The following ASTN2 variants were observed in gnomAD, a reference collection of about 807,000 sequenced individuals.
ASTN2 encodes the protein astrotactin 2.
ASTN2 carries 54 observed loss-of-function variants against 139.8 expected under a neutral mutation model. The ratio of observed to expected loss-of-function variants is 0.39; its 90% CI spans 0.31 to 0.48. The LOEUF is 0.48. Ranked by LOEUF, ASTN2 falls within the 20% of genes least tolerant of loss-of-function variation. The pLI, the probability that ASTN2 is intolerant of heterozygous loss-of-function variation, is 0.95. For missense variants in ASTN2, 1,565 were observed against 1,725.1 expected (o/e 0.91, Z 1.64); for synonymous variants, 756 against 719.5 (o/e 1.05, Z -0.81).
chr9:116,976,949 T>G (rs560754792), intron 7 of ASTN2, among the ~76,000 whole-genome samples, 164 bp from the exon 8 acceptor site: 1 of 152,124 alleles, frequency 6.6e-6, no homozygotes, highest in Non-Finnish European at 1.5e-5. Context: ...TTAACAGAGT[T>G]TATTCCTTTG....
intron 2 of ASTN2, among the ~76,000 whole-genome samples, chr9:117,222,683 G>T (rs1391517582): frequency 6.6e-6 from 1 of 152,108 alleles, no homozygotes; most frequent in Non-Finnish European, 1.5e-5. Context: ...TAACTTCAAT[G>T]CATCTACTTT....
At chr9:116,547,224 T>C (rs1327468412) in intron 19 of ASTN2, 3 of 152,214 alleles carry the variant, frequency 2.0e-5, no homozygotes, top group African/African-American at 4.8e-5. Flanking sequence ...CTGTGTTTGG[T>C]GATAACAGCA....
intron 7 of ASTN2, among the ~76,000 whole-genome samples, chr9:116,980,020 CAATTA>C (rs1836462860): frequency 2.0e-5 from 3 of 152,058 alleles, no homozygotes; most frequent in African/African-American, 7.2e-5. Flanking sequence ...ATATATTTTG[CAATTA>C]AGAGGCATTC....
At chr9:117,002,973 G>A (rs1837234483) in intron 7 of ASTN2, among the ~76,000 whole-genome samples, 1 of 152,108 alleles carries the variant, frequency 6.6e-6, no homozygotes, top group Admixed American at 6.5e-5. Flanking sequence ...TGTTTGGGCT[G>A]AACGTGTAGG....
At chr9:117,160,042 T>A (rs1480021741) in intron 3 of ASTN2, among the ~76,000 whole-genome samples, 1 of 152,026 alleles carries the variant, frequency 6.6e-6, no homozygotes, top group Non-Finnish European at 1.5e-5. Context: ...TACTCCACTA[T>A]GAAAATGCAT....
intron 13 of ASTN2, among the ~76,000 whole-genome samples, chr9:116,745,152 G>T (rs908541476): frequency 2.6e-5 from 4 of 152,218 alleles, no homozygotes; most frequent in African/African-American, 9.6e-5. Context: ...GATAGGAAAA[G>T]AAGCAGAGGC....
intron 17 of ASTN2, among the ~76,000 whole-genome samples, chr9:116,645,320 G>A (rs1326357239): frequency 2.6e-5 from 4 of 152,138 alleles, no homozygotes; most frequent in Non-Finnish European, 5.9e-5. Context: ...GTGGAGGGAG[G>A]AGATTTATGC....
At chr9:117,063,012 G>A (rs955781934) in intron 5 of ASTN2, among the ~76,000 whole-genome samples, 4 of 152,076 alleles carry the variant, frequency 2.6e-5, no homozygotes, top group Non-Finnish European at 2.9e-5. Context: ...TGCTAGCCTC[G>A]GAAGCTAACC....
At chr9:116,470,855 C>T (rs765846425) in intron 20 of ASTN2, among the ~76,000 whole-genome samples, 1 of 152,040 alleles carries the variant, frequency 6.6e-6, no homozygotes, top group Non-Finnish European at 1.5e-5. Context: ...TTCATAATGC[C>T]AATGCTTTAT....
Position 116,471,722 on chromosome 9 carries a change from T to C in ASTN2, c.3497+15637A>G, listed in dbSNP as rs78407740. Among the ~76,000 whole-genome samples the C allele has an allele frequency of 1.0e-3, 159 of 152,218 alleles. 2 individuals are homozygous for C. In the East Asian group the frequency reaches 0.028, roughly 27 times the overall value. ...CTACTAGGTGCCAGAAATGGACATA[T>C]GGAATATTTGGTTTTAATTTCACAC... On this transcript the variant is annotated intron_variant, in intron 20 of 22. Coordinates refer to ENST00000313400, the MANE Select transcript of ASTN2 (RefSeq NM_001365068.1).
intron 17 of ASTN2, among the ~76,000 whole-genome samples, chr9:116,632,228 A>AGAAAGAAG (rs1564169190): frequency 4.4e-5 from 6 of 137,160 alleles, no homozygotes; most frequent in Admixed American, 7.3e-5. Context: ...AAAGAAAGAA[A>AGAAAGAAG]GAAAGAAAGA....
intron 10 of ASTN2, among the ~76,000 whole-genome samples, chr9:116,949,925 G>A (rs1467051964): frequency 6.6e-6 from 1 of 152,040 alleles, no homozygotes; most frequent in Non-Finnish European, 1.5e-5. Context: ...AACACACTTA[G>A]ACCACTGTCT....
intron 6 of ASTN2, among the ~76,000 whole-genome samples, chr9:117,021,141 C>A (rs916625654): frequency 2.6e-5 from 4 of 152,130 alleles, no homozygotes; most frequent in African/African-American, 7.2e-5. Context: ...CACCTGAACT[C>A]AAGCAATCCT....
rs551981438 is a variant in ASTN2, at chr9:116,424,554, G to T, written c.*1297C>A. ...GAGGTGTACTGTCTCTTGTCTCTGGGCTTTTGTTCATATCTCTTCTTCCTG... is the reference window on the plus strand; with the variant it reads ...GAGGTGTACTGTCTCTTGTCTCTGGTCTTTTGTTCATATCTCTTCTTCCTG... On this transcript the variant is annotated 3_prime_UTR_variant, in exon 23 of 23. Transcript: ENST00000313400. Among the ~76,000 whole-genome samples, 33 of 151,062 alleles carry T rather than the reference G, an allele frequency of 2.2e-4. 1 individual carries two copies. In the South Asian group the frequency reaches 4.6e-3, roughly 21 times the overall value.
intron 5 of ASTN2, among the ~76,000 whole-genome samples, chr9:117,083,126 A>C (rs1471127183): frequency 6.6e-6 from 1 of 152,150 alleles, no homozygotes; most frequent in African/African-American, 2.4e-5. Context: ...AAGGAAATCC[A>C]TCCTATTGGT....
chr9:117,288,781 C>G (rs903841139), intron 2 of ASTN2, among the ~76,000 whole-genome samples: 2 of 152,224 alleles, frequency 1.3e-5, no homozygotes, highest in Non-Finnish European at 2.9e-5. Flanking sequence ...TGCTGACTGA[C>G]TGAGGGATCT....
intron 19 of ASTN2, among the ~76,000 whole-genome samples, chr9:116,534,233 C>T (rs1452955621): frequency 6.6e-6 from 1 of 152,012 alleles, no homozygotes; most frequent in Non-Finnish European, 1.5e-5. Context: ...TTTATTGCGT[C>T]TATTAGATTC....
rs116856164 is a variant in ASTN2, at chr9:116,576,822, A to T, written c.3355+41502T>A. On this transcript the variant is annotated intron_variant, in intron 19 of 22. Coordinates refer to ENST00000313400, the MANE Select transcript of ASTN2 (RefSeq NM_001365068.1). The stretch of plus-strand genomic sequence containing the variant: ...TCACACAAAGCAAGCCCCACCTTGG[A>T]TCTTTTACCATCTCTCCTTTGAAAA... Among the ~76,000 whole-genome samples the T allele has an allele frequency of 4.2e-3, 634 of 152,244 alleles. 4 individuals carry two copies. Among genetic ancestry groups the T allele is most frequent in the Non-Finnish European group, 7.6e-3 (514 of 68,016 alleles).
At chr9:116,470,298 T>C (rs1213822295) in intron 20 of ASTN2, among the ~76,000 whole-genome samples, 1 of 152,158 alleles carries the variant, frequency 6.6e-6, no homozygotes, top group Non-Finnish European at 1.5e-5. Flanking sequence ...CGGCGTGTTC[T>C]GAGGCCCTGT....
Sources: gnomAD v4.1 joint callset for allele counts (sites outside exome capture counted in the v4.1 genomes callset) on GRCh38, gnomAD v4.1.1 for gene constraint, MANE v1.5 for transcripts, NCBI Gene and HGNC (gene_info 2026-07-23, HGNC 2026-07-21) for gene names.